MAST2: variants seen among roughly 807,000 people sequenced by gnomAD.
MAST2 encodes microtubule-associated serine/threonine-protein kinase 2.
A neutral mutation model predicts 147.4 loss-of-function variants in MAST2; 70 were observed. The observed-to-expected ratio is 0.47, with a 90% CI of 0.39 to 0.58. MAST2 has a LOEUF of 0.58. Ranked by LOEUF, MAST2 falls within the 20% of genes least tolerant of loss-of-function variation. The pLI, the probability that MAST2 is intolerant of heterozygous loss-of-function variation, is 0.00. For missense variants in MAST2, 2,080 were observed against 2,302.3 expected (o/e 0.90, Z 1.98); for synonymous variants, 869 against 896.8 (o/e 0.97, Z 0.55).
intron 10 of MAST2, among the ~76,000 whole-genome samples, chr1:46,018,201 G>A (rs887031116): frequency 6.6e-6 from 1 of 152,024 alleles, no homozygotes; most frequent in Non-Finnish European, 1.5e-5. Context: ...GGCACCATCC[G>A]GCATGCCTGG....
chr1:45,881,052 G>C (rs6659064), intron 3 of MAST2, among the ~76,000 whole-genome samples: 120,888 of 151,772 alleles, frequency 0.8, 48,630 homozygotes, highest in East Asian at 0.98. Flanking sequence ...GACTGTGTAT[G>C]AGGGATATAT....
chr1:45,952,355 C>T (rs746690660), intron 4 of MAST2, among the ~76,000 whole-genome samples: 2 of 151,986 alleles, frequency 1.3e-5, no homozygotes, highest in Non-Finnish European at 2.9e-5. Context: ...AGAGACAGTA[C>T]GTTGGTGGTT....
At chr1:46,005,206 T>A (rs4440807) in intron 7 of MAST2, among the ~76,000 whole-genome samples, 1 of 151,874 alleles carries the variant, frequency 6.6e-6, no homozygotes, top group Non-Finnish European at 1.5e-5. Context: ...TTATTAAAAA[T>A]ACAAAATTAC....
intron 5 of MAST2, among the ~76,000 whole-genome samples, chr1:45,969,335 G>A (rs1643798422): frequency 6.6e-6 from 1 of 152,192 alleles, no homozygotes; most frequent in Non-Finnish European, 1.5e-5. Flanking sequence ...TGTAGGGGAG[G>A]AGAAGTGTTC....
rs1646591275 is a variant in MAST2, at chr1:46,030,246, TGAG to T, written c.2553+13_2553+15del. 23 of 1,613,012 alleles carry T rather than the reference TGAG, an allele frequency of 1.4e-5. No individual in the cohort carries two copies. The highest frequency in any genetic ancestry group is 1.9e-5 in the Non-Finnish European group (22 of 1,179,334). On this transcript the variant is annotated intron_variant, in intron 21 of 28. Coordinates refer to ENST00000361297, the MANE Select transcript of MAST2 (RefSeq NM_015112.3). ...TCTCCAAGGTTCAACAAGGTGTGACTGAGGAGGCCCAGAATGGGCAGAACAGGC... is the reference window on the plus strand; with the variant it reads ...TCTCCAAGGTTCAACAAGGTGTGACTGAGGCCCAGAATGGGCAGAACAGGC...
intron 5 of MAST2, among the ~76,000 whole-genome samples, chr1:45,964,010 G>A (rs1660810354): frequency 6.6e-6 from 1 of 152,156 alleles, no homozygotes; most frequent in African/African-American, 2.4e-5. Flanking sequence ...TTATATGCTG[G>A]ATTACGTTTA....
chr1:45,980,275 CAAAAAAAA>C (rs35235290), intron 5 of MAST2, among the ~76,000 whole-genome samples: 1 of 84,030 alleles, frequency 1.2e-5, no homozygotes, highest in African/African-American at 5.0e-5. Context: ...ACTGTGTTTC[CAAAAAAAA>C]AAAAAAAAAA....
intron 3 of MAST2, among the ~76,000 whole-genome samples, chr1:45,844,969 A>C (rs1048202996): frequency 2.3e-4 from 35 of 152,182 alleles, no homozygotes; most frequent in African/African-American, 7.0e-4. Context: ...AATAGAGAAG[A>C]AATCCATTCC....
At chr1:45,856,694 T>C (rs141738899) in intron 3 of MAST2, among the ~76,000 whole-genome samples, 1 of 152,262 alleles carries the variant, frequency 6.6e-6, no homozygotes, top group African/African-American at 2.4e-5. Flanking sequence ...GTAAAATAAA[T>C]GAGCAATTAT....
rs755221312 is a variant in MAST2 at position 46,023,295 on chromosome 1, G to T, written c.1548G>T (p.Lys516Asn). The T allele has an allele frequency of 6.2e-7, 1 of 1,614,168 alleles. No homozygotes were observed. The highest frequency in any genetic ancestry group is 1.1e-5 in the South Asian group (1 of 91,080). ...CTGAAGAGGACTTCGAGACCATTAA[G>T]CTCATCAGCAATGGCGCCTATGGGT... ...TPSEEDFETI[K>N]LISNGAYGAV... The change falls in exon 14 of 29, where the codon AAG becomes AAT. Residue 516 changes from lysine (K) to asparagine (N), a missense_variant. By Grantham distance (94) the Lys-to-Asn change is moderately conservative. This residue lies in a region of MAST2 where 569 missense variants were observed against 642.5 expected (regional missense o/e 0.89). Transcript: ENST00000361297. This position sits in a 1 kb window ranked among gnomAD's most constrained non-coding sequence, Gnocchi z 4.9.
chr1:45,964,930 G>A (rs1264439089), intron 5 of MAST2, among the ~76,000 whole-genome samples: 2 of 152,020 alleles, frequency 1.3e-5, no homozygotes, highest in Admixed American at 6.6e-5. Flanking sequence ...CTTTGTTCTC[G>A]TTGGTTTCAA....
chr1:46,023,927 T>G lies in MAST2; in HGVS notation c.1727T>G (p.Phe576Cys). 1 of 1,614,216 alleles carries G rather than the reference T, an allele frequency of 6.2e-7. No individual in the cohort carries two copies. Among genetic ancestry groups the G allele is most frequent in the Non-Finnish European group, 8.5e-7 (1 of 1,180,038 alleles). ...FAENPFVVSMFCSFDTKRHLC... is the reference protein window; with the variant it reads ...FAENPFVVSMCCSFDTKRHLC... The stretch of plus-strand genomic sequence containing the variant: ...GAGAACCCCTTTGTGGTCAGCATGT[T>G]CTGCTCCTTTGATACCAAGCGCCAC... Residue 576 changes from phenylalanine (F) to cysteine (C), a missense_variant, in exon 15 of 29, where the codon TTC becomes TGC. Transcript: ENST00000361297. This position sits in a 1 kb window ranked among gnomAD's most constrained non-coding sequence, Gnocchi z 4.9.
At chr1:45,922,098 G>A (rs1198018485) in intron 4 of MAST2, among the ~76,000 whole-genome samples, 1 of 152,208 alleles carries the variant, frequency 6.6e-6, no homozygotes, top group African/African-American at 2.4e-5. Flanking sequence ...CTGCAGGCAG[G>A]TGGTCCCATT....
chr1:45,944,770 C>G (rs574562170), intron 4 of MAST2, among the ~76,000 whole-genome samples: 1 of 152,270 alleles, frequency 6.6e-6, no homozygotes, highest in Admixed American at 6.5e-5. Flanking sequence ...TCCAGTATCT[C>G]TCTCTACTGT....
rs56303620 is a variant in MAST2 at position 45,804,039 on chromosome 1, G to T, written c.144G>T (p.Arg48=). Residue 48 remains arginine, a synonymous_variant, in exon 1 of 29, where the codon CGG becomes CGT. Transcript: ENST00000361297. ...CCGGGAGGCAGCGGCTGGAGGAGCGGACGGGCCCCGCGGGGCCCGAGGGCA... is the reference window on the plus strand; with the variant it reads ...CCGGGAGGCAGCGGCTGGAGGAGCGTACGGGCCCCGCGGGGCCCGAGGGCA... ...APPGRQRLEE[R]TGPAGPEGKE... 428 of 1,261,248 alleles carry T rather than the reference G, an allele frequency of 3.4e-4. 3 individuals are homozygous for T. In the East Asian group the frequency reaches 0.01, roughly 30 times the overall value. 78.1% of individuals were successfully genotyped at this position (1,261,248 alleles called of 1,614,324 possible).
intron 18 of MAST2, 43 bp from the exon 19 acceptor site, chr1:46,029,423 T>G (rs1407175712): frequency 4.6e-6 from 7 of 1,524,894 alleles, no homozygotes; most frequent in Non-Finnish European, 6.3e-6. Flanking sequence ...CTCTCCACTC[T>G]ACCCACAATT....
chr1:45,822,100 G>T (rs534220729), intron 1 of MAST2, among the ~76,000 whole-genome samples: 24 of 151,876 alleles, frequency 1.6e-4, no homozygotes, highest in African/African-American at 5.8e-4. Flanking sequence ...TGTTGGCCAG[G>T]CTGGTCTTGA....
At chr1:45,847,413 TG>T (rs377546222) in intron 3 of MAST2, 12 of 546,554 alleles carry the variant, frequency 2.2e-5, no homozygotes, top group Non-Finnish European at 3.1e-5. Context: ...TATCTTTTTT[TG>T]GGGGGGATCA....
At chr1:45,892,460 G>A (rs769320112) in intron 4 of MAST2, among the ~76,000 whole-genome samples, 4 of 152,084 alleles carry the variant, frequency 2.6e-5, no homozygotes, top group South Asian at 4.1e-4. Context: ...AGTTCATACC[G>A]TTCTGTGTAC....
Sources: gnomAD v4.1 joint callset for allele counts (sites outside exome capture counted in the v4.1 genomes callset) on GRCh38, gnomAD v4.1.1 for gene constraint, gnomAD v4.1.1 regional missense constraint, Gnocchi (gnomAD v3.1) non-coding constraint, MANE v1.5 for transcripts, NCBI Gene and HGNC (gene_info 2026-07-23, HGNC 2026-07-21) for gene names.